RIMBP2: variants seen among roughly 807,000 people sequenced by gnomAD.
RIMBP2 encodes the protein RIMS-binding protein 2.
Under a neutral mutation model 118.6 loss-of-function variants are expected in RIMBP2, and 48 were observed. The ratio of observed to expected loss-of-function variants is 0.40; its 90% CI spans 0.32 to 0.51. The LOEUF (loss-of-function observed/expected upper bound fraction) is 0.51. RIMBP2 is among the 20% of genes least tolerant of loss of function. RIMBP2 has a pLI of 0.41. For missense variants in RIMBP2, 1,551 were observed against 1,768.3 expected (o/e 0.88, Z 2.20); for synonymous variants, 762 against 742.9 (o/e 1.03, Z -0.42).
Position 130,438,499 on chromosome 12 carries a change from G to GTGGGGGTGC in RIMBP2, c.1513_1521dup (p.Ala505_Pro507dup), listed in dbSNP as rs1251831714. The GTGGGGGTGC allele has an allele frequency of 1.2e-6, 2 of 1,606,572 alleles. No individual in the cohort carries two copies. The highest frequency in any genetic ancestry group is 1.7e-6 in the Non-Finnish European group (2 of 1,175,898). On this transcript the variant is annotated inframe_insertion, in exon 12 of 23. Coordinates refer to ENST00000690449, the MANE Select transcript of RIMBP2 (RefSeq NM_001393629.1). ...ACCCCAGCCTGGACGGTAACATCTT[G>GTGGGGGTGC]TGGGGGTGCTGGGGGTCCTGGGAGG...
intron 1 of RIMBP2, chr12:130,658,324 CCACA>C (rs980726801): frequency 1.3e-5 from 2 of 152,254 alleles, no homozygotes; most frequent in Non-Finnish European, 2.9e-5. Flanking sequence ...TCCCGAAACT[CCACA>C]CAGTCAGGCC....
At position 130,637,640 on chromosome 12, in the gene RIMBP2, C is replaced by T. The variant is rs904308077; in HGVS notation, c.-351-9184G>A. ...ATCAATGTATCCCTGCACTGTCTGC[C>T]GGGAGCAAAGGGATTTGTGGGACTT... On this transcript the variant is annotated intron_variant, in intron 1 of 22. Transcript: ENST00000690449. Among the ~76,000 whole-genome samples, 10 of 152,154 alleles carry T rather than the reference C, an allele frequency of 6.6e-5. 1 individual carries two copies. The highest frequency in any genetic ancestry group is 7.2e-5 in the African/African-American group (3 of 41,432).
In RIMBP2 at chr12:130,685,415, T is replaced by G. The variant is rs1423105903; in HGVS notation, c.-352+30807A>C. Among the ~76,000 whole-genome samples the G allele has an allele frequency of 3.9e-5, 6 of 152,194 alleles. No homozygotes were observed. In the East Asian group the frequency reaches 9.6e-4, roughly 24 times the overall value. Reference sequence around the variant, plus strand: ...AAATGGAACCAGGAAGGCTGCATGATTCCAGAACAATCGGAGACAGTATGT... The same window carrying G: ...AAATGGAACCAGGAAGGCTGCATGAGTCCAGAACAATCGGAGACAGTATGT... On this transcript the variant is annotated intron_variant, in intron 1 of 22. Coordinates refer to ENST00000690449, the MANE Select transcript of RIMBP2 (RefSeq NM_001393629.1).
chr12:130,548,873 C>T (rs929107294), intron 2 of RIMBP2, among the ~76,000 whole-genome samples: 8 of 151,978 alleles, frequency 5.3e-5, no homozygotes, highest in South Asian at 4.2e-4. Context: ...AGGCATGAGC[C>T]GCCGTGCCCA....
intron 1 of RIMBP2, chr12:130,658,084 C>T (rs1428269987): frequency 6.6e-6 from 1 of 152,350 alleles, no homozygotes; most frequent in African/African-American, 2.4e-5. Context: ...GTCCCACCTT[C>T]CCAGTACTTA....
intron 2 of RIMBP2, among the ~76,000 whole-genome samples, chr12:130,610,046 T>C (rs141021369): frequency 9.8e-5 from 15 of 152,352 alleles, no homozygotes; most frequent in African/African-American, 3.4e-4. Flanking sequence ...TGGCCAGTTC[T>C]CTGGGCATCC....
intron 2 of RIMBP2, among the ~76,000 whole-genome samples, chr12:130,599,952 C>T (rs1211328028): frequency 6.6e-6 from 1 of 152,116 alleles, no homozygotes; most frequent in Non-Finnish European, 1.5e-5. Context: ...AATGCATATC[C>T]GATCACCTCC....
In RIMBP2 at chr12:130,670,819, G is replaced by C. The variant is rs7302779; in HGVS notation, c.-351-42363C>G. ...GATACAGTCCCTCTCTGTTGCCCAG[G>C]CTGGAGTGCAGTGGCGCAATCTCAG... On this transcript the variant is annotated intron_variant, in intron 1 of 22. Coordinates refer to ENST00000690449, the MANE Select transcript of RIMBP2 (RefSeq NM_001393629.1). The surrounding 1 kb of genome is among the most constrained non-coding windows in gnomAD (Gnocchi z 4.9). 0.017 allele frequency among the ~76,000 whole-genome samples: 2,581 copies of C among 152,252 alleles called. 66 individuals carry two copies. Among genetic ancestry groups the C allele is most frequent in the African/African-American group, 0.058 (2,416 of 41,540 alleles).
At chr12:130,474,213 G>A (rs536260222) in intron 5 of RIMBP2, among the ~76,000 whole-genome samples, 3 of 152,086 alleles carry the variant, frequency 2.0e-5, no homozygotes, top group Admixed American at 6.5e-5. Flanking sequence ...CTCCTTATCC[G>A]TCACATGGAG....
intron 2 of RIMBP2, among the ~76,000 whole-genome samples, chr12:130,519,127 G>C (rs34636005): frequency 0.062 from 9,402 of 152,278 alleles, 389 homozygotes; most frequent in South Asian, 0.16. Context: ...TAATACTGGT[G>C]GGACACCCAC....
At chr12:130,678,306 G>A (rs764703973) in intron 1 of RIMBP2, among the ~76,000 whole-genome samples, 12 of 152,210 alleles carry the variant, frequency 7.9e-5, no homozygotes, top group Non-Finnish European at 1.3e-4. Flanking sequence ...GTGTTCAGCG[G>A]CAACATCGTC....
At chr12:130,685,550 T>C (rs746522219) in intron 1 of RIMBP2, among the ~76,000 whole-genome samples, 2 of 151,974 alleles carry the variant, frequency 1.3e-5, no homozygotes, top group Non-Finnish European at 2.9e-5. Context: ...GAAGACTGAG[T>C]GGCCCGGCAG....
intron 19 of RIMBP2, among the ~76,000 whole-genome samples, chr12:130,409,134 C>T (rs892869710): frequency 2.6e-5 from 4 of 152,066 alleles, no homozygotes; most frequent in Admixed American, 6.6e-5. Flanking sequence ...CTTACATACA[C>T]GAAGGCTCAC....
At chr12:130,563,423 T>G (rs534579891) in intron 2 of RIMBP2, among the ~76,000 whole-genome samples, 10 of 152,292 alleles carry the variant, frequency 6.6e-5, no homozygotes, top group African/African-American at 1.9e-4. Context: ...GTCAATGGGG[T>G]TGAATTTCTA....
chr12:130,515,410 C>T (rs1275460947), intron 3 of RIMBP2, among the ~76,000 whole-genome samples: 1 of 152,256 alleles, frequency 6.6e-6, no homozygotes, highest in African/African-American at 2.4e-5. Flanking sequence ...CTCCATTCTA[C>T]TGTTTGTCTC....
At chr12:130,645,368 G>A (rs758527570) in intron 1 of RIMBP2, among the ~76,000 whole-genome samples, 1 of 152,208 alleles carries the variant, frequency 6.6e-6, no homozygotes, top group Non-Finnish European at 1.5e-5. Context: ...CTATTATCCA[G>A]AGGAGAAAAT....
intron 2 of RIMBP2, among the ~76,000 whole-genome samples, chr12:130,580,904 A>C (rs1446309364): frequency 6.6e-6 from 1 of 151,696 alleles, no homozygotes; most frequent in Admixed American, 6.6e-5. Flanking sequence ...ACAGCCCGGG[A>C]GACAGAGTGA....
intron 1 of RIMBP2, among the ~76,000 whole-genome samples, chr12:130,644,832 G>T (rs779073404): frequency 6.6e-6 from 1 of 152,204 alleles, no homozygotes; most frequent in Non-Finnish European, 1.5e-5. Context: ...AGCACCCAAC[G>T]GCTCTGGCTG....
intron 2 of RIMBP2, among the ~76,000 whole-genome samples, chr12:130,535,454 C>T (rs961632456): frequency 4.6e-5 from 7 of 152,016 alleles, no homozygotes; most frequent in African/African-American, 1.7e-4. Flanking sequence ...GTCAAGGCTG[C>T]AGTGAGCCAA....
Sources: gnomAD v4.1 joint callset for allele counts (sites outside exome capture counted in the v4.1 genomes callset) on GRCh38, gnomAD v4.1.1 for gene constraint, Gnocchi (gnomAD v3.1) non-coding constraint, MANE v1.5 for transcripts, NCBI Gene and HGNC (gene_info 2026-07-23, HGNC 2026-07-21) for gene names.